Variants in SCFD2 observed in about 807,000 individuals in gnomAD.
SCFD2 encodes the protein sec1 family domain containing 2, also known as sec1 family domain-containing protein 2.
Under a neutral mutation model 58.9 loss-of-function variants are expected in SCFD2, and 54 were observed. That is an observed-to-expected ratio of 0.92 (90% CI 0.74 to 1.15). The LOEUF is 1.15. SCFD2 is among the 50% of genes most tolerant of loss of function. The pLI is 0.00. For missense variants in SCFD2, 805 were observed against 836.6 expected (o/e 0.96, Z 0.47); for synonymous variants, 321 against 335.9 (o/e 0.96, Z 0.49).
At position 53,152,192 on chromosome 4, in the gene SCFD2, A is replaced by T. The variant is rs560887987; in HGVS notation, c.1312-6610T>A. Among the ~76,000 whole-genome samples the T allele has an allele frequency of 2.0e-5, 3 of 151,882 alleles. No homozygotes were observed. The East Asian group carries it at 5.8e-4, about 30-fold the overall frequency. ...AAATCCAGTCTCCTATATAAACAAA[A>T]CACTTCAAAGAATCAGTACAAAGTA... On this transcript the variant is annotated intron_variant, in intron 4 of 8. Coordinates refer to ENST00000401642, the MANE Select transcript of SCFD2 (RefSeq NM_152540.4).
chr4:53,039,257 T>A (rs1722836730), intron 5 of SCFD2, among the ~76,000 whole-genome samples: 1 of 152,182 alleles, frequency 6.6e-6, no homozygotes, highest in South Asian at 2.1e-4. Flanking sequence ...ACCATATGTG[T>A]TCAATAAATG....
At chr4:52,956,478 A>T (rs1720716996) in intron 5 of SCFD2, 1 of 343,376 alleles carries the variant, frequency 2.9e-6, no homozygotes, top group African/African-American at 2.2e-5. Flanking sequence ...CAGTGCAACG[A>T]GGACTTGGAA....
intron 4 of SCFD2, among the ~76,000 whole-genome samples, chr4:53,255,506 T>A (rs1354669596): frequency 6.6e-6 from 1 of 152,104 alleles, no homozygotes; most frequent in Admixed American, 6.6e-5. Flanking sequence ...ACAGCACATG[T>A]TTCAGAGAGC....
chr4:53,355,508 C>T (rs1412704866), intron 1 of SCFD2, among the ~76,000 whole-genome samples: 1 of 152,088 alleles, frequency 6.6e-6, no homozygotes, highest in East Asian at 1.9e-4. Context: ...ACTAAGCTCT[C>T]GTAATCTCTT....
chr4:52,952,409 C>T (rs1179020145), intron 5 of SCFD2, among the ~76,000 whole-genome samples: 1 of 152,014 alleles, frequency 6.6e-6, no homozygotes, highest in Non-Finnish European at 1.5e-5. Flanking sequence ...CCCCTGCGGT[C>T]TGCTCCAAGG....
At chr4:53,177,740 T>A (rs577080350) in intron 4 of SCFD2, among the ~76,000 whole-genome samples, 3 of 152,172 alleles carry the variant, frequency 2.0e-5, no homozygotes, top group Non-Finnish European at 2.9e-5. Flanking sequence ...GGTCAGGGAA[T>A]TCCCTTTCCT....
intron 2 of SCFD2, among the ~76,000 whole-genome samples, chr4:53,334,955 G>A (rs1412440475): frequency 2.0e-5 from 3 of 152,068 alleles, no homozygotes; most frequent in African/African-American, 7.2e-5. Flanking sequence ...CCAGCACTTT[G>A]GGAGGCCAAG....
chr4:53,082,211 G>A (rs1724168635), intron 5 of SCFD2, among the ~76,000 whole-genome samples: 1 of 152,144 alleles, frequency 6.6e-6, no homozygotes, highest in South Asian at 2.1e-4. Flanking sequence ...AGGTATAGGA[G>A]TGGAATTGCT....
intron 5 of SCFD2, among the ~76,000 whole-genome samples, chr4:53,050,060 C>T (rs1179970586): frequency 6.6e-6 from 1 of 152,148 alleles, no homozygotes; most frequent in Non-Finnish European, 1.5e-5. Flanking sequence ...CATGAGTCCG[C>T]AAACACTCGA....
intron 5 of SCFD2, among the ~76,000 whole-genome samples, chr4:53,084,721 T>C (rs1354318874): frequency 1.3e-5 from 2 of 152,200 alleles, no homozygotes; most frequent in South Asian, 2.1e-4. Flanking sequence ...ATCCCAGGGA[T>C]GCAAGGATGG....
At chr4:52,998,551 T>C (rs1490268310) in intron 5 of SCFD2, among the ~76,000 whole-genome samples, 1 of 152,290 alleles carries the variant, frequency 6.6e-6, no homozygotes, top group East Asian at 1.9e-4. Context: ...AAAAGAACTA[T>C]CTCAACTTTG....
chr4:52,936,636 C>T (rs1397108946), intron 5 of SCFD2, among the ~76,000 whole-genome samples: 1 of 152,152 alleles, frequency 6.6e-6, no homozygotes, highest in African/African-American at 2.4e-5. Flanking sequence ...TTTAGACTTC[C>T]AACGTCAGGC....
chr4:52,999,596 T>A (rs1321955938), intron 5 of SCFD2, among the ~76,000 whole-genome samples: 2 of 152,218 alleles, frequency 1.3e-5, no homozygotes, highest in Non-Finnish European at 2.9e-5. Context: ...ACCTGGTATG[T>A]GTGGAGGGCA....
intron 1 of SCFD2, among the ~76,000 whole-genome samples, chr4:53,355,063 T>G (rs1216711064): frequency 6.6e-6 from 1 of 152,246 alleles, no homozygotes; most frequent in African/African-American, 2.4e-5. Flanking sequence ...CTGTGGATTT[T>G]ATGTGTGTCA....
At chr4:53,238,068 C>A (rs1729722811) in intron 4 of SCFD2, among the ~76,000 whole-genome samples, 2 of 133,584 alleles carry the variant, frequency 1.5e-5, no homozygotes, top group Admixed American at 1.4e-4. Context: ...CCCCCCACCT[C>A]CCTCCCGGAT....
chr4:53,140,412 T>TATATATATATATATATATAA (rs1560353891), intron 5 of SCFD2, among the ~76,000 whole-genome samples: 1 of 143,524 alleles, frequency 7.0e-6, no homozygotes, highest in Non-Finnish European at 1.5e-5. Flanking sequence ...TATATATATA[T>TATATATATATATATATATAA]AAATTTTAAT....
chr4:53,055,891 G>T (rs765074125), intron 5 of SCFD2, among the ~76,000 whole-genome samples: 1 of 152,042 alleles, frequency 6.6e-6, no homozygotes. Flanking sequence ...AAATGAGCTC[G>T]CTGGCCAGAG....
At chr4:53,236,217 T>C (rs4864735) in intron 4 of SCFD2, among the ~76,000 whole-genome samples, 67,654 of 151,462 alleles carry the variant, frequency 0.45, 16,065 homozygotes, top group Admixed American at 0.52. Context: ...CCTCTCAGCC[T>C]ACATCTTTCT....
intron 7 of SCFD2, among the ~76,000 whole-genome samples, chr4:52,889,724 A>G (rs1192948380): frequency 6.6e-6 from 1 of 152,234 alleles, no homozygotes; most frequent in African/African-American, 2.4e-5. Flanking sequence ...CAGTGTAACC[A>G]GTACCCAGAC....
Sources: allele counts gnomAD v4.1 joint callset (sites outside exome capture counted in the v4.1 genomes callset), GRCh38; gene constraint gnomAD v4.1.1; transcripts MANE v1.5; gene names NCBI Gene and HGNC (gene_info 2026-07-23, HGNC 2026-07-21).